The following DDAH1 variants were observed in gnomAD, a reference collection of about 807,000 sequenced individuals.
DDAH1 encodes the protein N(G),N(G)-dimethylarginine dimethylaminohydrolase 1.
A neutral mutation model predicts 28.8 loss-of-function variants in DDAH1; 19 were observed. The observed-to-expected ratio is 0.66, with a 90% CI of 0.46 to 0.97. DDAH1 has a LOEUF of 0.97. Among genes scored for constraint, DDAH1 ranks in the 50% least tolerant of loss-of-function variants. The pLI is 0.00. For synonymous variants in DDAH1, 153 were observed against 154.4 expected, an observed-to-expected ratio of 0.99 and a Z score of 0.07; for missense variants, 326 against 375.9, an observed-to-expected ratio of 0.87 and a Z score of 1.10.
chr1:85,533,417 A>C (rs1368106062), intron 1 of DDAH1, among the ~76,000 whole-genome samples: 2 of 151,982 alleles, frequency 1.3e-5, no homozygotes, highest in Admixed American at 1.3e-4. Flanking sequence ...CTGGCCTCCT[A>C]AAGTGTGATT....
intron 2 of DDAH1, among the ~76,000 whole-genome samples, chr1:85,353,257 C>A (rs925059158): frequency 1.3e-5 from 2 of 152,128 alleles, no homozygotes; most frequent in African/African-American, 4.8e-5. Context: ...GAACTCTCAT[C>A]TTCCCTTTAT....
At chr1:85,351,399 A>G in intron 3 of DDAH1, 107 bp downstream of exon 3, 1 of 868,126 alleles carries the variant, frequency 1.2e-6, no homozygotes, top group Non-Finnish European at 1.9e-6. Context: ...ATTATTGTAC[A>G]AAGCCAGTGA....
intron 5 of DDAH1, among the ~76,000 whole-genome samples, chr1:85,323,285 T>C (rs937125012): frequency 1.3e-5 from 2 of 152,050 alleles, no homozygotes; most frequent in Admixed American, 6.5e-5. Flanking sequence ...CTGTAATGCA[T>C]AGTATAAATA....
At chr1:85,382,794 G>T (rs1261523116) in intron 1 of DDAH1, among the ~76,000 whole-genome samples, 4 of 152,120 alleles carry the variant, frequency 2.6e-5, no homozygotes, top group African/African-American at 7.2e-5. Context: ...GGGCTCTTAA[G>T]AATAATGCTA....
At chr1:85,425,864 C>T (rs1035613439) in intron 1 of DDAH1, among the ~76,000 whole-genome samples, 11 of 152,124 alleles carry the variant, frequency 7.2e-5, no homozygotes, top group African/African-American at 2.7e-4. Context: ...TTATCCTGGG[C>T]CTCAGTTTCT....
chr1:85,342,856 C>T (rs914689716), intron 4 of DDAH1, among the ~76,000 whole-genome samples: 1 of 152,122 alleles, frequency 6.6e-6, no homozygotes, highest in African/African-American at 2.4e-5. Context: ...AATGCAGATG[C>T]CTGGGTTCCA....
intron 1 of DDAH1, among the ~76,000 whole-genome samples, chr1:85,443,273 T>C (rs1654282256): frequency 6.6e-6 from 1 of 152,256 alleles, no homozygotes; most frequent in African/African-American, 2.4e-5. Flanking sequence ...GCACCATTTA[T>C]TAAATAGGTA....
chr1:85,402,014 C>T (rs563610531), intron 1 of DDAH1, among the ~76,000 whole-genome samples: 60 of 152,222 alleles, frequency 3.9e-4, no homozygotes, highest in African/African-American at 1.4e-3. Context: ...GAGACAGGGT[C>T]TTGCTATGTC....
intron 1 of DDAH1, among the ~76,000 whole-genome samples, chr1:85,440,730 CAA>C (rs1178368138): frequency 1.3e-5 from 2 of 152,166 alleles, no homozygotes; most frequent in East Asian, 3.8e-4. Flanking sequence ...ACATAAATTA[CAA>C]AGTTTCTGAT....
At chr1:85,495,593 G>A (rs1367583632) in intron 2 of DDAH1, 1 of 152,230 alleles carries the variant, frequency 6.6e-6, no homozygotes, top group African/African-American at 2.4e-5. Context: ...CAGCTGGAAT[G>A]AAGGCGCTGG....
intron 1 of DDAH1, among the ~76,000 whole-genome samples, chr1:85,506,899 G>A (rs1332583696): frequency 6.6e-6 from 1 of 152,174 alleles, no homozygotes; most frequent in Non-Finnish European, 1.5e-5. Context: ...TCAGGTAAGA[G>A]GCGATGAAGA....
chr1:85,439,468 C>A (rs1399888434), intron 1 of DDAH1, among the ~76,000 whole-genome samples: 1 of 152,246 alleles, frequency 6.6e-6, no homozygotes, highest in Non-Finnish European at 1.5e-5. Flanking sequence ...GTGAAAAAGG[C>A]TTCCATTACA....
At chr1:85,340,405 G>A (rs1043119831) in intron 4 of DDAH1, among the ~76,000 whole-genome samples, 3 of 152,148 alleles carry the variant, frequency 2.0e-5, no homozygotes, top group Admixed American at 1.3e-4. Flanking sequence ...CCAAAGGCAC[G>A]CCATTGTGGT....
chr1:85,499,918 T>A (rs1388282787), intron 1 of DDAH1, among the ~76,000 whole-genome samples: 1 of 152,198 alleles, frequency 6.6e-6, no homozygotes, highest in Non-Finnish European at 1.5e-5. Context: ...TTTATGTTGA[T>A]CTGAGTTTCT....
chr1:85,463,398 C>G (rs1014741115), intron 1 of DDAH1, among the ~76,000 whole-genome samples: 2 of 152,198 alleles, frequency 1.3e-5, no homozygotes, highest in African/African-American at 4.8e-5. Context: ...AAGTTCAAAC[C>G]ATAGCTCTGC....
chr1:85,368,434 G>A (rs1028095693), intron 1 of DDAH1, among the ~76,000 whole-genome samples: 5 of 152,104 alleles, frequency 3.3e-5, no homozygotes, highest in Non-Finnish European at 5.9e-5. Flanking sequence ...CCTCCATAAC[G>A]ATGTCACTAC....
intron 1 of DDAH1, among the ~76,000 whole-genome samples, chr1:85,424,664 A>G (rs947084415): frequency 3.3e-5 from 5 of 152,074 alleles, no homozygotes; most frequent in Non-Finnish European, 7.4e-5. Context: ...TTAGAAAAAC[A>G]CCAGTCAATT....
intron 1 of DDAH1, among the ~76,000 whole-genome samples, chr1:85,362,111 AAATTAT>A (rs1450934969): frequency 6.6e-6 from 1 of 152,092 alleles, no homozygotes; most frequent in Non-Finnish European, 1.5e-5. Flanking sequence ...CTGTGAATTA[AAATTAT>A]AGATTTTTTT....
At chr1:85,398,456 G>T (rs943490036) in intron 1 of DDAH1, 6 of 152,112 alleles carry the variant, frequency 3.9e-5, no homozygotes, top group Non-Finnish European at 8.8e-5. Flanking sequence ...TTTTTCCCTA[G>T]ACTGGACTGG....
Sources: allele counts gnomAD v4.1 joint callset (sites outside exome capture counted in the v4.1 genomes callset), GRCh38; gene constraint gnomAD v4.1.1; transcripts MANE v1.5; gene names NCBI Gene and HGNC (gene_info 2026-07-23, HGNC 2026-07-21).